COQ8A: variants seen among roughly 807,000 people sequenced by gnomAD.
COQ8A encodes coenzyme Q8A, also known as atypical kinase COQ8A, mitochondrial.
COQ8A carries 51 observed loss-of-function variants against 65.0 expected under a neutral mutation model. The ratio of observed to expected loss-of-function variants is 0.78; its 90% CI spans 0.63 to 0.99. The LOEUF is 0.99. Ranked by LOEUF, COQ8A falls within the 50% of genes least tolerant of loss-of-function variation. The pLI, the probability that COQ8A is intolerant of heterozygous loss-of-function variation, is 0.00. For missense variants in COQ8A, 940 were observed against 875.0 expected (o/e 1.07, Z -0.94); for synonymous variants, 371 against 353.2 (o/e 1.05, Z -0.57).
chr1:226,984,034 T>TA (rs1659898484), intron 10 of COQ8A, 60 bp from the exon 11 acceptor site: 3 of 1,279,214 alleles, frequency 2.3e-6, no homozygotes, highest in Non-Finnish European at 3.2e-6. Flanking sequence ...GGGGTGTGTG[T>TA]GGGGGGGGGG....
At position 226,971,281 on chromosome 1, in the gene COQ8A, G is replaced by A. The variant is rs192605853; in HGVS notation, c.655+5544G>A. 6.7e-4 allele frequency among the ~76,000 whole-genome samples: 102 copies of A among 152,016 alleles called. 1 individual carries two copies. The highest frequency in any genetic ancestry group is 2.3e-3 in the African/African-American group (94 of 41,518). ...TGAAAATGTCATTATAGCTGGGCAC[G>A]GTGGCTCATGCCTGTAATCCCAGCA... is the stretch of plus-strand genomic sequence containing the variant. On this transcript the variant is annotated intron_variant, in intron 4 of 14. Transcript: ENST00000366777.
intron 5 of COQ8A, among the ~76,000 whole-genome samples, chr1:226,978,752 C>A (rs1659484401): frequency 8.8e-6 from 1 of 113,920 alleles, no homozygotes. Context: ...TCCTTACACA[C>A]CCACCTCACA....
At chr1:226,985,573 C>T (rs1458833022) in intron 14 of COQ8A, among the ~76,000 whole-genome samples, 1 of 152,210 alleles carries the variant, frequency 6.6e-6, no homozygotes, top group African/African-American at 2.4e-5. Context: ...CTTGTTTCTG[C>T]CTCTCACTCT....
At position 226,982,097 on chromosome 1, in the gene COQ8A, C is replaced by A. The variant is rs1333764647; in HGVS notation, c.801C>A (p.Leu267=). 1.2e-6 allele frequency: 2 copies of A among 1,611,822 alleles called. No homozygotes were observed. Among genetic ancestry groups the A allele is most frequent in the Non-Finnish European group, 1.7e-6 (2 of 1,179,674 alleles). Reference sequence around the variant, plus strand: ...ATGCAGAGCGGATCGTGCGCACGCTCTGCAAGGTGCGTGGTGCGGCACTCA... The same window carrying A: ...ATGCAGAGCGGATCGTGCGCACGCTATGCAAGGTGCGTGGTGCGGCACTCA... The part of the protein sequence containing the change: ...EANAERIVRT[L]CKVRGAALKL... The change falls in exon 6 of 15, where the codon CTC becomes CTA. Residue 267 remains leucine (L), a synonymous_variant. Transcript: ENST00000366777.
chr1:226,985,306 T>G lies in COQ8A; in HGVS notation c.1625T>G (p.Ile542Arg), dbSNP rs1660027067. 3 of 1,613,684 alleles carry G rather than the reference T, an allele frequency of 1.9e-6. No individual in the cohort carries two copies. Among genetic ancestry groups the G allele is most frequent in the South Asian group, 1.1e-5 (1 of 91,076 alleles). ...AGGGAGACTGTGCGGGCGAAATCCA[T>G]AGAGATGAAGTTCCTCACCGGCTAC... ...RDRETVRAKS[I>R]EMKFLTGYEV... The change falls in exon 14 of 15, where the codon ATA (isoleucine) becomes AGA (arginine). Residue 542 changes from isoleucine (I) to arginine (R), a missense_variant. Ile to Arg is a moderately conservative substitution (Grantham distance 97, BLOSUM62 -3). Coordinates refer to ENST00000366777, the MANE Select transcript of COQ8A (RefSeq NM_020247.5).
In COQ8A at chr1:226,984,219, A is replaced by C. The variant is rs778213902; in HGVS notation, c.1382A>C (p.Gln461Pro). 1 of 1,613,734 alleles carries C rather than the reference A, an allele frequency of 6.2e-7. No homozygotes were observed. The highest frequency in any genetic ancestry group is 1.1e-5 in the South Asian group (1 of 91,088). Reference protein sequence around the residue: ...FPLDQAEGLSQEIRNEICYNI... With the variant: ...FPLDQAEGLSPEIRNEICYNI... ...CTGGACCAGGCCGAAGGGCTCAGCC[A>C]GGAGATTCGGAACGAGGTTTGTCTG... Residue 461 changes from glutamine (Q) to proline (P), a missense_variant, in exon 11 of 15, where the codon CAG becomes CCG. Physicochemically the swap from Gln to Pro is moderately conservative, Grantham distance 76. Coordinates refer to ENST00000366777, the MANE Select transcript of COQ8A (RefSeq NM_020247.5).
intron 1 of COQ8A, among the ~76,000 whole-genome samples, chr1:226,944,592 C>T (rs537822201): frequency 1.4e-4 from 21 of 150,698 alleles, no homozygotes; most frequent in East Asian, 2.0e-4. Context: ...AACAAAGGTC[C>T]GCTAAAGAGG....
chr1:226,966,273 TTGTC>T (rs1456810738), intron 4 of COQ8A, among the ~76,000 whole-genome samples: 12 of 152,214 alleles, frequency 7.9e-5, no homozygotes, highest in African/African-American at 2.9e-4. Context: ...TTAAAGCCGT[TTGTC>T]TGTACTTTGG....
rs752279113 is a variant in COQ8A at position 226,984,666 on chromosome 1, G to C, written c.1506+11G>C. ...CCCCAGCAGCACAAGGTGAGCCCCA[G>C]GGTGGGGGCACCCGCAGCCAGGCCT... On this transcript the variant is annotated intron_variant, in intron 12 of 14. Coordinates refer to ENST00000366777, the MANE Select transcript of COQ8A (RefSeq NM_020247.5). 1.2e-6 allele frequency: 2 copies of C among 1,611,236 alleles called. No individual in the cohort carries two copies. Among genetic ancestry groups the C allele is most frequent in the South Asian group, 2.2e-5 (2 of 91,030 alleles).
intron 1 of COQ8A, among the ~76,000 whole-genome samples, chr1:226,952,177 C>T (rs1194211622): frequency 6.6e-6 from 1 of 152,116 alleles, no homozygotes; most frequent in African/African-American, 2.4e-5. Flanking sequence ...GCCTCTCTCT[C>T]CAAATTGGAG....
At chr1:226,961,824 A>G (rs936838072) in intron 2 of COQ8A, among the ~76,000 whole-genome samples, 5 of 152,356 alleles carry the variant, frequency 3.3e-5, no homozygotes, top group Admixed American at 2.6e-4. Context: ...GGAAAGTCCA[A>G]TATTAAGGTG....
At chr1:226,960,247 TTGGTGG>T (rs1247603225) in intron 1 of COQ8A, among the ~76,000 whole-genome samples, 2 of 122,258 alleles carry the variant, frequency 1.6e-5, no homozygotes, top group African/African-American at 3.2e-5. Context: ...GTGGTGGTCC[TTGGTGG>T]TGGTGGTGGT....
rs1361930991 is a variant in COQ8A at position 226,984,114 on chromosome 1, C to T, written c.1277C>T (p.Pro426Leu). The T allele has an allele frequency of 1.2e-6, 2 of 1,613,574 alleles. No homozygotes were observed. Among genetic ancestry groups the T allele is most frequent in the Non-Finnish European group, 1.7e-6 (2 of 1,179,998 alleles). Residue 426 changes from proline to leucine, a missense_variant, in exon 11 of 15, where the codon CCC becomes CTC. By Grantham distance (98) the Pro-to-Leu change is moderately conservative. Transcript: ENST00000366777. ...CCCAGGGACCTGCTGAAGGGCCACC[C>T]CTTCTTCTATGTGCCTGAGATTGTG... Reference protein sequence around the residue: ...RKFRDLLKGHPFFYVPEIVDE... With the variant: ...RKFRDLLKGHLFFYVPEIVDE...
intron 4 of COQ8A, among the ~76,000 whole-genome samples, chr1:226,970,646 C>A (rs534867010): frequency 6.6e-6 from 1 of 152,258 alleles, no homozygotes; most frequent in African/African-American, 2.4e-5. Context: ...GATTACAGCA[C>A]GCATCTTGAC....
chr1:226,960,339 TTGGTGG>T lies in COQ8A; in HGVS notation c.-9-1023_-9-1018del, dbSNP rs1317292376. On this transcript the variant is annotated intron_variant, in intron 1 of 14. Coordinates refer to ENST00000366777, the MANE Select transcript of COQ8A (RefSeq NM_020247.5). The stretch of plus-strand genomic sequence containing the variant: ...TACTTGGTGGTGGTATCAGTGGTAC[TTGGTGG>T]TGGTGGTGGTGGTGCTTGGTGGTGG... 5.2e-4 allele frequency among the ~76,000 whole-genome samples: 35 copies of T among 67,890 alleles called. 1 individual carries two copies. Among genetic ancestry groups the T allele is most frequent in the African/African-American group, 2.4e-3 (28 of 11,712 alleles). The allele number at this position is 67,890 out of a possible 152,430, so 44.5% of individuals were successfully genotyped here.
intron 1 of COQ8A, among the ~76,000 whole-genome samples, chr1:226,944,750 TGAGAGAGAGAGAGTGA>T (rs1163906089): frequency 1.2e-4 from 3 of 24,630 alleles, no homozygotes; most frequent in Non-Finnish European, 1.8e-4. Context: ...AGAGAGAGAG[TGAGAGAGAGAGAGTGA>T]GAGAGAGAGA....
chr1:226,982,575 G>T, intron 6 of COQ8A, 103 bp from the exon 7 acceptor site: 1 of 1,231,626 alleles, frequency 8.1e-7, no homozygotes, highest in Non-Finnish European at 1.2e-6. Context: ...GCTCCTGGTG[G>T]GGAGGGTGTG....
chr1:226,981,353 C>T (rs1251257626), intron 5 of COQ8A, among the ~76,000 whole-genome samples: 3 of 152,234 alleles, frequency 2.0e-5, no homozygotes, highest in Non-Finnish European at 4.4e-5. Context: ...TCGCGGCCCT[C>T]AGCCCTCCCC....
intron 11 of COQ8A, 110 bp downstream of exon 11, chr1:226,984,345 G>A: frequency 6.6e-7 from 1 of 1,507,630 alleles, no homozygotes; most frequent in South Asian, 1.2e-5. Context: ...CTCCCTGGGG[G>A]TGAGGGGCAG....
Sources: gnomAD v4.1 joint callset for allele counts (sites outside exome capture counted in the v4.1 genomes callset) on GRCh38, gnomAD v4.1.1 for gene constraint, MANE v1.5 for transcripts, NCBI Gene and HGNC (gene_info 2026-07-23, HGNC 2026-07-21) for gene names.